The following TFAP2D variants were observed in gnomAD, a reference collection of about 807,000 sequenced individuals.
TFAP2D encodes the protein transcription factor AP-2-delta.
In TFAP2D, 9 loss-of-function variants were observed where a neutral mutation model predicts 43.6. The observed-to-expected ratio is 0.21, with a 90% CI of 0.12 to 0.36. The LOEUF (loss-of-function observed/expected upper bound fraction) is 0.36, where lower values mean the gene tolerates loss of function less well. TFAP2D is among the 10% of genes least tolerant of loss of function. The pLI is 1.00. For missense variants in TFAP2D, 513 were observed against 561.4 expected (o/e 0.91, Z 0.87); for synonymous variants, 256 against 224.9 (o/e 1.14, Z -1.24).
intron 7 of TFAP2D, among the ~76,000 whole-genome samples, chr6:50,766,648 T>C (rs745806109): frequency 6.5e-5 from 8 of 122,772 alleles, no homozygotes; most frequent in African/African-American, 3.0e-5. Flanking sequence ...ACCATGAGAT[T>C]GCTTTCTTTT....
intron 5 of TFAP2D, among the ~76,000 whole-genome samples, chr6:50,736,513 G>A (rs907173895): frequency 1.3e-5 from 2 of 151,966 alleles, no homozygotes; most frequent in Admixed American, 6.6e-5. Flanking sequence ...TCAAAAATTG[G>A]TTTCAATGAA....
chr6:50,753,142 A>T (rs1333452103), intron 7 of TFAP2D, among the ~76,000 whole-genome samples: 2 of 151,940 alleles, frequency 1.3e-5, no homozygotes, highest in Admixed American at 1.3e-4. Flanking sequence ...TCAGAACTTA[A>T]TTTTCATTGA....
chr6:50,727,807 A>G (rs180799342), intron 3 of TFAP2D, among the ~76,000 whole-genome samples: 85 of 152,316 alleles, frequency 5.6e-4, no homozygotes, highest in Non-Finnish European at 8.7e-4. Flanking sequence ...TCAATGCATT[A>G]GGCGGTTTTG....
At chr6:50,736,578 T>A (rs912944059) in intron 5 of TFAP2D, among the ~76,000 whole-genome samples, 1 of 152,162 alleles carries the variant, frequency 6.6e-6, no homozygotes, top group Non-Finnish European at 1.5e-5. Context: ...TTAGAGTATA[T>A]CTTTTAAAAT....
At chr6:50,744,504 T>C (rs1398669471) in intron 5 of TFAP2D, among the ~76,000 whole-genome samples, 1 of 152,186 alleles carries the variant, frequency 6.6e-6, no homozygotes, top group Non-Finnish European at 1.5e-5. Flanking sequence ...AACATTGTTT[T>C]CCAGATTGAT....
intron 2 of TFAP2D, among the ~76,000 whole-genome samples, chr6:50,716,548 T>C (rs1768631108): frequency 6.6e-6 from 1 of 152,204 alleles, no homozygotes; most frequent in African/African-American, 2.4e-5. Flanking sequence ...TCAGATGATC[T>C]CTCTTCTACT....
At chr6:50,717,461 C>T (rs571245353) in intron 2 of TFAP2D, among the ~76,000 whole-genome samples, 1 of 152,322 alleles carries the variant, frequency 6.6e-6, no homozygotes, top group Admixed American at 6.5e-5. Flanking sequence ...CTTTGGAGAG[C>T]TTTGAGACCA....
chr6:50,732,838 C>T (rs1768912952), intron 5 of TFAP2D, among the ~76,000 whole-genome samples: 1 of 151,948 alleles, frequency 6.6e-6, no homozygotes, highest in Non-Finnish European at 1.5e-5. Context: ...CTATGCTTGC[C>T]TTTGGTTTTT....
chr6:50,721,672 C>T (rs1292760622), intron 3 of TFAP2D, among the ~76,000 whole-genome samples: 2 of 152,176 alleles, frequency 1.3e-5, no homozygotes, highest in Non-Finnish European at 2.9e-5. Context: ...TGCTATACTG[C>T]TATACTTCAT....
intron 5 of TFAP2D, among the ~76,000 whole-genome samples, chr6:50,733,646 T>C (rs1768923618): frequency 6.6e-6 from 1 of 152,148 alleles, no homozygotes; most frequent in Non-Finnish European, 1.5e-5. Context: ...GGATGCCTCC[T>C]CCATATTTTA....
At chr6:50,751,456 A>T in intron 7 of TFAP2D, 132 bp downstream of exon 7, 1 of 611,002 alleles carries the variant, frequency 1.6e-6, no homozygotes, top group Non-Finnish European at 2.9e-6. Flanking sequence ...ATGGGCTATA[A>T]CAAAATACCT....
At chr6:50,751,117 T>C (rs987141557) in intron 6 of TFAP2D, 94 bp from the exon 7 acceptor site, 29 of 856,436 alleles carry the variant, frequency 3.4e-5, no homozygotes, top group Non-Finnish European at 4.9e-5. Flanking sequence ...AGACTTCTTT[T>C]AAAAGAGAGA....
chr6:50,741,196 C>A (rs568370901), intron 5 of TFAP2D, among the ~76,000 whole-genome samples: 1 of 152,178 alleles, frequency 6.6e-6, no homozygotes, highest in South Asian at 2.1e-4. Context: ...GGGGTTACTA[C>A]GTGGCACATA....
chr6:50,746,779 G>C (rs1769130487), intron 6 of TFAP2D, among the ~76,000 whole-genome samples: 1 of 152,116 alleles, frequency 6.6e-6, no homozygotes, highest in Non-Finnish European at 1.5e-5. Flanking sequence ...GTTTGTCCAA[G>C]ACACTTGAGT....
chr6:50,732,408 C>T (rs1298869909), intron 5 of TFAP2D, among the ~76,000 whole-genome samples: 1 of 152,044 alleles, frequency 6.6e-6, no homozygotes, highest in Non-Finnish European at 1.5e-5. Context: ...AGTAGTTTCT[C>T]AAACATCCTA....
intron 5 of TFAP2D, among the ~76,000 whole-genome samples, chr6:50,743,915 G>A (rs994256166): frequency 3.8e-4 from 58 of 152,220 alleles, no homozygotes; most frequent in African/African-American, 1.3e-3. Flanking sequence ...TTATTGTTAT[G>A]ACTATCATTT....
chr6:50,728,115 C>T (rs1363574692), intron 3 of TFAP2D, among the ~76,000 whole-genome samples: 1 of 152,114 alleles, frequency 6.6e-6, no homozygotes, highest in Non-Finnish European at 1.5e-5. Flanking sequence ...CTTTGTTTTG[C>T]TCCCTAATAG....
chr6:50,765,774 C>A (rs1769433029), intron 7 of TFAP2D, among the ~76,000 whole-genome samples: 1 of 151,694 alleles, frequency 6.6e-6, no homozygotes, highest in Non-Finnish European at 1.5e-5. Flanking sequence ...ATTTTTGTAC[C>A]AAATGTATGG....
intron 3 of TFAP2D, among the ~76,000 whole-genome samples, chr6:50,726,818 C>A (rs937597520): frequency 6.6e-6 from 1 of 152,092 alleles, no homozygotes; most frequent in African/African-American, 2.4e-5. Flanking sequence ...GTCTTAGGTC[C>A]AGGAATCTGG....
Sources: gnomAD v4.1 joint callset for allele counts (sites outside exome capture counted in the v4.1 genomes callset) on GRCh38, gnomAD v4.1.1 for gene constraint, MANE v1.5 for transcripts, NCBI Gene and HGNC (gene_info 2026-07-23, HGNC 2026-07-21) for gene names.